HMCN1: variants seen among roughly 807,000 people sequenced by gnomAD.
The protein encoded by HMCN1 is hemicentin 1.
In HMCN1, 321 loss-of-function variants were observed where a neutral mutation model predicts 625.9. That is an observed-to-expected ratio of 0.51 (90% CI 0.47 to 0.56). The LOEUF (loss-of-function observed/expected upper bound fraction) is 0.56, where lower values mean the gene tolerates loss of function less well. Among genes scored for constraint, HMCN1 ranks in the 20% least tolerant of loss-of-function variants. HMCN1 has a pLI of 0.00. For synonymous variants in HMCN1, 2,425 were observed against 2,417.6 expected, an observed-to-expected ratio of 1.00 and a Z score of -0.09; for missense variants, 6,588 against 6,887.3, an observed-to-expected ratio of 0.96 and a Z score of 1.54.
intron 1 of HMCN1, among the ~76,000 whole-genome samples, chr1:185,775,494 A>G (rs1011985684): frequency 2.0e-5 from 3 of 152,210 alleles, no homozygotes; most frequent in Admixed American, 6.5e-5. Flanking sequence ...ACTATTTTGA[A>G]AACATTTTTC....
intron 1 of HMCN1, among the ~76,000 whole-genome samples, chr1:185,813,052 T>C (rs1659626676): frequency 1.3e-5 from 2 of 152,170 alleles, no homozygotes; most frequent in African/African-American, 4.8e-5. Context: ...AGATACTTGT[T>C]CAACTTTTGT....
intron 1 of HMCN1, among the ~76,000 whole-genome samples, chr1:185,762,755 T>G (rs897558853): frequency 5.3e-5 from 8 of 152,168 alleles, no homozygotes; most frequent in Non-Finnish European, 7.4e-5. Context: ...AAAAAACACC[T>G]TGGGGTCCTA....
rs1341387728 is a variant in HMCN1 at position 186,157,982 on chromosome 1, T to G, written c.15256+3995T>G. ...GTAATGGGATGGCTGGATCAAATGG[T>G]ATTTCTAGTTCTAGATCCCTGAGGA... On this transcript the variant is annotated intron_variant, in intron 97 of 106. Coordinates refer to ENST00000271588, the MANE Select transcript of HMCN1 (RefSeq NM_031935.3). Among the ~76,000 whole-genome samples the G allele has an allele frequency of 2.6e-5, 4 of 151,994 alleles. No individual in the cohort carries two copies. The East Asian group carries it at 7.7e-4, about 29-fold the overall frequency.
chr1:185,985,403 G>A (rs1056716012), intron 19 of HMCN1, among the ~76,000 whole-genome samples: 2 of 152,060 alleles, frequency 1.3e-5, no homozygotes, highest in Admixed American at 1.3e-4. Context: ...GTGCCCTCAT[G>A]TTATCTCTCT....
intron 23 of HMCN1, among the ~76,000 whole-genome samples, chr1:185,993,625 G>A (rs1384299410): frequency 6.6e-6 from 1 of 151,954 alleles, no homozygotes; most frequent in Non-Finnish European, 1.5e-5. Context: ...TAAGCCGGTA[G>A]CATTTTATAG....
chr1:186,054,055 T>C, intron 44 of HMCN1, 69 bp downstream of exon 44: 3 of 1,441,726 alleles, frequency 2.1e-6, no homozygotes, highest in Non-Finnish European at 2.9e-6. Flanking sequence ...TCATTTACTT[T>C]TAAAAATATC....
At chr1:185,737,523 G>A (rs1653676948) in intron 1 of HMCN1, among the ~76,000 whole-genome samples, 2 of 152,110 alleles carry the variant, frequency 1.3e-5, no homozygotes, top group Admixed American at 1.3e-4. Flanking sequence ...CTGAATCTTA[G>A]TATCCTCAAC....
chr1:185,999,128 TTATATA>T (rs59559213), intron 25 of HMCN1, among the ~76,000 whole-genome samples: 1 of 151,408 alleles, frequency 6.6e-6, no homozygotes. Context: ...TGCTATTCTT[TTATATA>T]TATATATCCT....
At position 186,165,119 on chromosome 1, in the gene HMCN1, A is replaced by T. The variant is rs749090856; in HGVS notation, c.15265A>T (p.Ser5089Cys). The T allele has an allele frequency of 1.4e-4, 223 of 1,613,986 alleles. No individual in the cohort carries two copies. The highest frequency in any genetic ancestry group is 1.9e-4 in the Non-Finnish European group (219 of 1,180,002). ...TTTCCTCTCTGTGGTAGGAGATCGCAGTAATCAGTGCCCCTCCGGGTTTAC... is the reference window on the plus strand; with the variant it reads ...TTTCCTCTCTGTGGTAGGAGATCGCTGTAATCAGTGCCCCTCCGGGTTTAC... Reference protein sequence around the residue: ...IHASISKGDRSNQCPSGFTLD... With the variant: ...IHASISKGDRCNQCPSGFTLD... Residue 5089 changes from serine (S) to cysteine (C), a missense_variant, in exon 98 of 107, where the codon AGT becomes TGT. Coordinates refer to ENST00000271588, the MANE Select transcript of HMCN1 (RefSeq NM_031935.3).
intron 14 of HMCN1, among the ~76,000 whole-genome samples, chr1:185,966,806 C>T (rs1286258437): frequency 1.3e-5 from 2 of 151,988 alleles, no homozygotes; most frequent in African/African-American, 4.8e-5. Context: ...TAGGAATTCA[C>T]CTCAAGTTCA....
At chr1:185,880,858 C>A (rs1664261188) in intron 4 of HMCN1, among the ~76,000 whole-genome samples, 1 of 152,222 alleles carries the variant, frequency 6.6e-6, no homozygotes, top group African/African-American at 2.4e-5. Flanking sequence ...AAGGAGTTGT[C>A]TTTCTGATAG....
intron 93 of HMCN1, among the ~76,000 whole-genome samples, chr1:186,147,061 G>A (rs558005228): frequency 1.7e-4 from 26 of 152,174 alleles, no homozygotes; most frequent in Admixed American, 4.6e-4. Context: ...ATGGCCTACC[G>A]GGCCTTGACT....
intron 101 of HMCN1, 124 bp downstream of exon 101, chr1:186,171,574 T>C: frequency 5.1e-6 from 4 of 789,310 alleles, no homozygotes; most frequent in Non-Finnish European, 8.7e-6. Flanking sequence ...ATGCAGCATG[T>C]ATGCAATCCA....
chr1:186,014,270 T>G (rs1397435151), intron 30 of HMCN1, among the ~76,000 whole-genome samples: 4 of 151,642 alleles, frequency 2.6e-5, no homozygotes, highest in African/African-American at 9.7e-5. Context: ...TTTGTAAGAT[T>G]ATATTGATAC....
chr1:186,164,837 TTTTAG>T (rs1170489043), intron 97 of HMCN1, among the ~76,000 whole-genome samples: 8 of 152,222 alleles, frequency 5.3e-5, no homozygotes, highest in African/African-American at 1.9e-4. Flanking sequence ...CTTGGACCCT[TTTTAG>T]TTATCACATA....
chr1:185,955,240 G>A lies in HMCN1; in HGVS notation c.1829-7278G>A, dbSNP rs375798099. The stretch of plus-strand genomic sequence containing the variant: ...ATTTTCCCTAAATATTGTTTTAACT[G>A]TTCATTCATTGAAAACCTTTTTGTG... On this transcript the variant is annotated intron_variant, in intron 11 of 106. Transcript: ENST00000271588. 3.9e-5 allele frequency among the ~76,000 whole-genome samples: 6 copies of A among 152,116 alleles called. No homozygotes were observed. The South Asian group carries it at 8.3e-4, about 21-fold the overall frequency.
chr1:186,088,720 G>A lies in HMCN1; in HGVS notation c.9692G>A (p.Gly3231Glu). ...ACATGTATTGCTTCAAATATGGAGG[G>A]AAAAGCCCAGAAATATTACTTTCTT... ...NYTCIASNME[G>E]KAQKYYFLSI... is the part of the protein sequence containing the mutation. Residue 3231 changes from glycine (G) to glutamate (E), a missense_variant, in exon 63 of 107, where the codon GGA becomes GAA. By Grantham distance (98) the Gly-to-Glu change is moderately conservative. Around this residue, in one of 3 missense-constraint regions of HMCN1, gnomAD observed 4,628 missense variants for 4,853.1 expected, o/e 0.95. Coordinates refer to ENST00000271588, the MANE Select transcript of HMCN1 (RefSeq NM_031935.3). 1 of 1,610,178 alleles carries A rather than the reference G, an allele frequency of 6.2e-7. No individual in the cohort carries two copies. Among genetic ancestry groups the A allele is most frequent in the African/African-American group, 1.3e-5 (1 of 74,882 alleles).
chr1:186,123,896 C>T (rs915390382), intron 81 of HMCN1, among the ~76,000 whole-genome samples: 5 of 151,902 alleles, frequency 3.3e-5, no homozygotes, highest in Admixed American at 3.3e-4. Flanking sequence ...TTTGTGAAAG[C>T]TGTTTTATTT....
chr1:186,186,992 T>TCACA (rs200279097), intron 105 of HMCN1, among the ~76,000 whole-genome samples: 1,282 of 95,428 alleles, frequency 0.013, 18 homozygotes, highest in African/African-American at 0.039. Flanking sequence ...TCTGTCTCTG[T>TCACA]CTCACACACA....
Sources: gnomAD v4.1 joint callset for allele counts (sites outside exome capture counted in the v4.1 genomes callset) on GRCh38, gnomAD v4.1.1 for gene constraint, gnomAD v4.1.1 regional missense constraint, MANE v1.5 for transcripts, NCBI Gene and HGNC (gene_info 2026-07-23, HGNC 2026-07-21) for gene names.